The following MAF variants were observed in gnomAD, a reference collection of about 807,000 sequenced individuals.
The protein encoded by MAF is MAF bZIP transcription factor.
MAF carries 10 observed loss-of-function variants against 22.0 expected under a neutral mutation model. That is an observed-to-expected ratio of 0.45 (90% confidence interval 0.28 to 0.77). The LOEUF (loss-of-function observed/expected upper bound fraction) is 0.77. Ranked by LOEUF, MAF falls within the 30% of genes least tolerant of loss-of-function variation. MAF has a pLI of 0.12. For missense variants in MAF, 544 were observed against 548.4 expected, an observed-to-expected ratio of 0.99 and a Z score of 0.08; for synonymous variants, 337 against 255.8, an observed-to-expected ratio of 1.32 and a Z score of -3.03.
the MAF span, among the ~76,000 whole-genome samples, chr16:79,504,565 G>A: frequency 2.0e-5 from 3 of 152,148 alleles, no homozygotes; most frequent in African/African-American, 7.2e-5. Context: ...TTACTTGAAT[G>A]GATGGATGGA....
chr16:79,316,951 A>T, the MAF span, among the ~76,000 whole-genome samples: 2 of 152,244 alleles, frequency 1.3e-5, no homozygotes, highest in Admixed American at 1.3e-4. Context: ...TCACCTAGCG[A>T]AGGTTCATTA....
the MAF span, among the ~76,000 whole-genome samples, chr16:79,553,641 C>G: frequency 6.6e-6 from 1 of 152,214 alleles, no homozygotes; most frequent in East Asian, 1.9e-4. Flanking sequence ...ATGCCAGAGC[C>G]TCAAAGAAAG....
At chr16:79,216,037 T>A in the MAF span, among the ~76,000 whole-genome samples, 34 of 152,358 alleles carry the variant, frequency 2.2e-4, no homozygotes, top group African/African-American at 8.2e-4. Context: ...TCTTGACAGG[T>A]GAGCAAGTGC....
At chr16:79,391,898 G>A in the MAF span, among the ~76,000 whole-genome samples, 4 of 74,282 alleles carry the variant, frequency 5.4e-5, no homozygotes, top group East Asian at 8.9e-4. Context: ...AGGAGGAGGA[G>A]CAGGAGGAGG....
the MAF span, among the ~76,000 whole-genome samples, chr16:79,376,523 T>C: frequency 6.6e-6 from 1 of 152,094 alleles, no homozygotes; most frequent in African/African-American, 2.4e-5. Context: ...TTTATTTTAT[T>C]TTTTTTCTTT....
At chr16:79,484,142 C>A in the MAF span, among the ~76,000 whole-genome samples, 1 of 152,180 alleles carries the variant, frequency 6.6e-6, no homozygotes. Context: ...ACCTGGAAGA[C>A]AATAAGTCTT....
chr16:79,334,320 G>A, the MAF span, among the ~76,000 whole-genome samples: 407 of 152,270 alleles, frequency 2.7e-3, 2 homozygotes, highest in African/African-American at 9.2e-3. Context: ...TCCAGACCCT[G>A]CAGCGCACCA....
At chr16:79,212,708 GTTTGTT>G in the MAF span, 13 of 148,672 alleles carry the variant, frequency 8.7e-5, no homozygotes, top group Admixed American at 2.7e-4. Context: ...GTTTGTTTCA[GTTTGTT>G]TTTGTTTTTC....
the MAF span, among the ~76,000 whole-genome samples, chr16:79,388,027 T>C: frequency 6.6e-6 from 1 of 152,220 alleles, no homozygotes. Flanking sequence ...GAGATTCCTG[T>C]CTCAAAACTT....
At chr16:79,418,828 C>G in the MAF span, among the ~76,000 whole-genome samples, 1 of 152,156 alleles carries the variant, frequency 6.6e-6, no homozygotes, top group Non-Finnish European at 1.5e-5. Flanking sequence ...GCAGGCTCCT[C>G]ACCGCATGGT....
At chr16:79,212,953 A>ATGTT in the MAF span, 1 of 152,038 alleles carries the variant, frequency 6.6e-6, no homozygotes, top group Admixed American at 6.5e-5. Flanking sequence ...TCACCTTAAG[A>ATGTT]TGTTTTGTTA....
the MAF span, among the ~76,000 whole-genome samples, chr16:79,402,455 G>A: frequency 1.3e-5 from 2 of 152,196 alleles, no homozygotes; most frequent in African/African-American, 2.4e-5. Flanking sequence ...TCTTCCAGGG[G>A]CCTCTCACAC....
At chr16:79,584,351 T>C (rs1418907869), downstream of MAF, among the ~76,000 whole-genome samples, 2 of 152,184 alleles carry the variant, frequency 1.3e-5, no homozygotes, top group Admixed American at 6.5e-5. Flanking sequence ...TTTTCATATA[T>C]CAGCTTATAA....
the MAF span, among the ~76,000 whole-genome samples, chr16:79,214,219 T>C: frequency 6.6e-6 from 1 of 152,100 alleles, no homozygotes; most frequent in Non-Finnish European, 1.5e-5. Context: ...CTATTTTTTC[T>C]GTCTACCCAC....
chr16:79,391,666 AG>A, the MAF span, among the ~76,000 whole-genome samples: 30 of 152,202 alleles, frequency 2.0e-4, no homozygotes, highest in African/African-American at 6.7e-4. Flanking sequence ...GCTGAAACGT[AG>A]GTGGGCATCC....
the MAF span, among the ~76,000 whole-genome samples, chr16:79,341,841 A>C: frequency 6.6e-6 from 1 of 152,182 alleles, no homozygotes. Context: ...GTTGAGACTC[A>C]TCCTGCAGAG....
chr16:79,345,006 C>T, the MAF span, among the ~76,000 whole-genome samples: 1 of 152,116 alleles, frequency 6.6e-6, no homozygotes, highest in African/African-American at 2.4e-5. Flanking sequence ...ACTTTGCTTC[C>T]CTGTGCCCCA....
At chr16:79,342,133 G>A in the MAF span, among the ~76,000 whole-genome samples, 1 of 152,204 alleles carries the variant, frequency 6.6e-6, no homozygotes, top group African/African-American at 2.4e-5. Flanking sequence ...CCGAATCTCA[G>A]AGAAGTTCAG....
the MAF span, among the ~76,000 whole-genome samples, chr16:79,456,676 G>T: frequency 1.3e-5 from 2 of 152,180 alleles, no homozygotes; most frequent in South Asian, 2.1e-4. Context: ...AGCTGAGCAA[G>T]TGTCTTCTGC....
Sources: allele counts gnomAD v4.1 joint callset (sites outside exome capture counted in the v4.1 genomes callset), GRCh38; gene constraint gnomAD v4.1.1; transcripts MANE v1.5; gene names NCBI Gene and HGNC (gene_info 2026-07-23, HGNC 2026-07-21).